OXSR1: variants seen among roughly 807,000 people sequenced by gnomAD.
OXSR1 encodes oxidative stress responsive kinase 1.
In OXSR1, 24 loss-of-function variants were observed where a neutral mutation model predicts 79.8. The observed-to-expected ratio is 0.30, with a 90% confidence interval of 0.22 to 0.42. The LOEUF (loss-of-function observed/expected upper bound fraction) is 0.42. OXSR1 is among the 10% of genes least tolerant of loss of function. The pLI is 1.00. For synonymous variants in OXSR1, 226 were observed against 209.2 expected (o/e 1.08, Z -0.69); for missense variants, 430 against 618.4 (o/e 0.70, Z 3.23).
chr3:38,246,150 G>T lies in OXSR1; in HGVS notation c.1186G>T (p.Ala396Ser). ...GATCTCTGCTCATCTACCTCAGCCA[G>T]CTGGGCAGATTGCTACACAGCCAAC... ...EQISAHLPQP[A>S]GQIATQPTQV... The change falls in exon 13 of 18, where the codon GCT (alanine) becomes TCT (serine). Residue 396 changes from alanine (A) to serine (S), a missense_variant. This residue lies in a region of OXSR1 where 276 missense variants were observed against 354.2 expected (regional missense o/e 0.78). Coordinates refer to ENST00000311806, the MANE Select transcript of OXSR1 (RefSeq NM_005109.3). 1 of 1,613,746 alleles carries T rather than the reference G, an allele frequency of 6.2e-7. No homozygotes were observed. Among genetic ancestry groups the T allele is most frequent in the East Asian group, 2.2e-5 (1 of 44,870 alleles).
At chr3:38,167,550 G>T (rs965503248) in intron 1 of OXSR1, among the ~76,000 whole-genome samples, 13 of 150,234 alleles carry the variant, frequency 8.7e-5, no homozygotes, top group Non-Finnish European at 1.0e-4. Flanking sequence ...AAAGAACTTC[G>T]TGAAATAATT....
At position 38,242,746 on chromosome 3, in the gene OXSR1, C is replaced by A; in HGVS notation, c.1078C>A (p.Pro360Thr). The A allele has an allele frequency of 6.4e-7, 1 of 1,561,794 alleles. No homozygotes were observed. Among genetic ancestry groups the A allele is most frequent in the Non-Finnish European group, 8.7e-7 (1 of 1,143,444 alleles). ...ATCCTTTTTGTATTTCGTTTAGTCT[C>A]CCCGAGTGAAAGAATCAATATCAAA... ...GKAAISQLRS[P>T]RVKESISNSE... The change falls in exon 12 of 18, where the codon CCC (proline) becomes ACC (threonine). Residue 360 changes from proline (P) to threonine (T), a missense_variant. This residue lies in a region of OXSR1 where 276 missense variants were observed against 354.2 expected (regional missense o/e 0.78). Coordinates refer to ENST00000311806, the MANE Select transcript of OXSR1 (RefSeq NM_005109.3).
chr3:38,226,888 G>A (rs1351370833), intron 8 of OXSR1, among the ~76,000 whole-genome samples: 1 of 151,790 alleles, frequency 6.6e-6, no homozygotes, highest in African/African-American at 2.4e-5. Context: ...ATGGAATGAA[G>A]TCTGTAGTTT....
chr3:38,183,174 G>T, intron 2 of OXSR1, 59 bp downstream of exon 2: 1 of 774,786 alleles, frequency 1.3e-6, no homozygotes, highest in South Asian at 2.4e-5. Context: ...ACATTACAAT[G>T]GGAAATAACT....
intron 8 of OXSR1, 185 bp downstream of exon 8, chr3:38,224,889 T>C (rs1206853129): frequency 2.3e-6 from 1 of 436,514 alleles, no homozygotes; most frequent in East Asian, 4.5e-5. Flanking sequence ...TAGTATACAG[T>C]GTACCCTAAA....
At chr3:38,191,674 T>A (rs887993471) in intron 3 of OXSR1, among the ~76,000 whole-genome samples, 2 of 152,176 alleles carry the variant, frequency 1.3e-5, no homozygotes, top group Non-Finnish European at 2.9e-5. Context: ...AATAGTGATG[T>A]TAGTTTTGTT....
chr3:38,208,825 G>A lies in OXSR1; in HGVS notation c.435-7271G>A, dbSNP rs967745777. Among the ~76,000 whole-genome samples the A allele has an allele frequency of 6.4e-4, 98 of 152,222 alleles. 1 individual carries two copies. The highest frequency in any genetic ancestry group is 1.8e-3 in the African/African-American group (73 of 41,558). Reference sequence around the variant, plus strand: ...GCTAAGGCAGGAGAATGGCCTGAACGTGGGAGGCGGAGGTTGCAGTGAGCT... The same window carrying A: ...GCTAAGGCAGGAGAATGGCCTGAACATGGGAGGCGGAGGTTGCAGTGAGCT... On this transcript the variant is annotated intron_variant, in intron 4 of 17. Coordinates refer to ENST00000311806, the MANE Select transcript of OXSR1 (RefSeq NM_005109.3).
intron 10 of OXSR1, among the ~76,000 whole-genome samples, chr3:38,232,650 C>T (rs1343423933): frequency 1.3e-5 from 2 of 150,450 alleles, no homozygotes; most frequent in Non-Finnish European, 3.0e-5. Context: ...GTCCCAGCTA[C>T]TCAGGAGGCT....
upstream of OXSR1, among the ~76,000 whole-genome samples, chr3:38,164,149 A>G (rs986138705): frequency 4.6e-5 from 7 of 152,088 alleles, no homozygotes; most frequent in Non-Finnish European, 1.0e-4. Context: ...GCTCCGTCTC[A>G]GCTGGGCCTA....
At chr3:38,221,431 T>C in intron 5 of OXSR1, 147 bp from the exon 6 acceptor site, 1 of 536,380 alleles carries the variant, frequency 1.9e-6, no homozygotes, top group South Asian at 2.3e-5. Flanking sequence ...AAGCTATGTC[T>C]TAATTTAGTC....
intron 4 of OXSR1, among the ~76,000 whole-genome samples, chr3:38,199,639 G>A (rs192867875): frequency 5.9e-5 from 9 of 152,242 alleles, no homozygotes; most frequent in East Asian, 3.9e-4. Context: ...AGGTCCTGGC[G>A]TACTATTGTG....
Position 38,253,597 on chromosome 3 carries a change from T to C in OXSR1, c.*706T>C, listed in dbSNP as rs912761816. The C allele has an allele frequency of 4.6e-5, 7 of 152,662 alleles. No homozygotes were observed. Among genetic ancestry groups the C allele is most frequent in the African/African-American group, 1.4e-4 (6 of 41,452 alleles). The allele number at this position is 152,662 out of a possible 1,614,324, so 9.5% of individuals were successfully genotyped here. On this transcript the variant is annotated 3_prime_UTR_variant, in exon 18 of 18. Coordinates refer to ENST00000311806, the MANE Select transcript of OXSR1 (RefSeq NM_005109.3). The stretch of plus-strand genomic sequence containing the variant: ...TAGCCGAACTTCAGCCATCAGATCC[T>C]TCAAAGTGGAACTTTGGATTGTTTT...
At chr3:38,231,991 C>A (rs922176144) in intron 10 of OXSR1, among the ~76,000 whole-genome samples, 1 of 152,092 alleles carries the variant, frequency 6.6e-6, no homozygotes, top group African/African-American at 2.4e-5. Flanking sequence ...TCTGTAATTC[C>A]AGCTACTCGG....
At chr3:38,239,728 C>T (rs1302748399) in intron 11 of OXSR1, among the ~76,000 whole-genome samples, 1 of 152,188 alleles carries the variant, frequency 6.6e-6, no homozygotes, top group African/African-American at 2.4e-5. Flanking sequence ...ATCTAGGGTT[C>T]ACTCTCTTTG....
chr3:38,183,849 G>A (rs1327577799), intron 2 of OXSR1, among the ~76,000 whole-genome samples: 1 of 152,144 alleles, frequency 6.6e-6, no homozygotes, highest in African/African-American at 2.4e-5. Flanking sequence ...TAAGTATATA[G>A]TAAGTGCTCA....
intron 5 of OXSR1, among the ~76,000 whole-genome samples, chr3:38,219,779 AGAT>A (rs3058799): frequency 0.017 from 2,480 of 148,330 alleles, 56 homozygotes; most frequent in African/African-American, 0.042. Flanking sequence ...AAAACTGTTA[AGAT>A]GATGATGATG....
intron 14 of OXSR1, 114 bp downstream of exon 14, chr3:38,247,846 C>A: frequency 1.6e-6 from 1 of 622,598 alleles, no homozygotes. Context: ...CAGCATCAAG[C>A]TCTGTTTGCT....
intron 3 of OXSR1, among the ~76,000 whole-genome samples, chr3:38,195,773 A>G (rs1312634881): frequency 6.6e-6 from 1 of 152,170 alleles, no homozygotes; most frequent in Non-Finnish European, 1.5e-5. Context: ...TAATGATTTT[A>G]TTGTACAATT....
intron 1 of OXSR1, among the ~76,000 whole-genome samples, chr3:38,182,516 C>T (rs1157602360): frequency 9.2e-5 from 14 of 152,192 alleles, no homozygotes; most frequent in African/African-American, 2.9e-4. Flanking sequence ...CTGCCTTATC[C>T]ATCCATTTTT....
Sources: allele counts gnomAD v4.1 joint callset (sites outside exome capture counted in the v4.1 genomes callset), GRCh38; gene constraint gnomAD v4.1.1; regional missense constraint gnomAD v4.1.1; transcripts MANE v1.5; gene names NCBI Gene and HGNC (gene_info 2026-07-23, HGNC 2026-07-21).